B3GLCT: variants seen among roughly 807,000 people sequenced by gnomAD.
The protein encoded by B3GLCT is beta 3-glucosyltransferase.
A neutral mutation model predicts 63.4 loss-of-function variants in B3GLCT; 65 were observed. The observed-to-expected ratio is 1.03, with a 90% CI of 0.84 to 1.26. B3GLCT has a LOEUF of 1.26. Among genes scored for constraint, B3GLCT ranks in the 50% most tolerant of loss-of-function variants. The pLI is 0.00. For missense variants in B3GLCT, 577 were observed against 604.8 expected (o/e 0.95, Z 0.48); for synonymous variants, 233 against 219.2 (o/e 1.06, Z -0.55).
At chr13:31,201,945 A>T (rs892542769) in intron 1 of B3GLCT, among the ~76,000 whole-genome samples, 1 of 152,300 alleles carries the variant, frequency 6.6e-6, no homozygotes, top group African/African-American at 2.4e-5. Context: ...ACTGGCTTTC[A>T]TGGGTTGGCA....
intron 12 of B3GLCT, among the ~76,000 whole-genome samples, chr13:31,316,690 G>A (rs981621232): frequency 4.3e-4 from 66 of 151,770 alleles, no homozygotes; most frequent in African/African-American, 1.6e-3. Context: ...TGGAAGGGAC[G>A]TTTCTAATTG....
At chr13:31,238,993 A>G (rs1004648761) in intron 4 of B3GLCT, among the ~76,000 whole-genome samples, 3 of 152,218 alleles carry the variant, frequency 2.0e-5, no homozygotes, top group Admixed American at 6.5e-5. Context: ...GACTTTTGTG[A>G]AATCACTCAG....
chr13:31,242,605 G>A (rs542084145), intron 4 of B3GLCT, among the ~76,000 whole-genome samples: 1 of 152,334 alleles, frequency 6.6e-6, no homozygotes, highest in East Asian at 1.9e-4. Flanking sequence ...CGAGTTGCAT[G>A]GCTCAGAAGA....
intron 2 of B3GLCT, among the ~76,000 whole-genome samples, chr13:31,215,735 C>G (rs1016757597): frequency 6.6e-6 from 1 of 152,104 alleles, no homozygotes; most frequent in African/African-American, 2.4e-5. Context: ...AATATCTTAA[C>G]CTTGGGTTTA....
chr13:31,246,406 C>T (rs1265684731), intron 4 of B3GLCT, among the ~76,000 whole-genome samples: 1 of 152,142 alleles, frequency 6.6e-6, no homozygotes, highest in African/African-American at 2.4e-5. Flanking sequence ...TTTAGTTCCT[C>T]CTATGCTTAT....
intron 14 of B3GLCT, among the ~76,000 whole-genome samples, chr13:31,324,110 A>C (rs867149275): frequency 7.9e-5 from 12 of 152,166 alleles, no homozygotes; most frequent in Admixed American, 7.9e-4. Flanking sequence ...AACGTCTCGA[A>C]AACCAAGTGG....
chr13:31,274,551 A>AC lies in B3GLCT; in HGVS notation c.707dup (p.Val237SerfsTer3), dbSNP rs1159135092. 3 of 1,613,964 alleles carry AC rather than the reference A, an allele frequency of 1.9e-6. No individual in the cohort carries two copies. Among genetic ancestry groups the AC allele is most frequent in the African/African-American group, 2.7e-5 (2 of 74,898 alleles). ...GGACAAAGGCGGAGGACCTCCCCTGACCCCAGTGCCTGAGTTTTGTACCAA... is the reference window on the plus strand; with the variant it reads ...GGACAAAGGCGGAGGACCTCCCCTGACCCCCAGTGCCTGAGTTTTGTACCAA... On this transcript the variant is annotated frameshift_variant, in exon 9 of 15. Coordinates refer to ENST00000343307, the MANE Select transcript of B3GLCT (RefSeq NM_194318.4). LOFTEE classifies it high-confidence loss of function.
chr13:31,305,385 C>T (rs1345604754), intron 12 of B3GLCT, among the ~76,000 whole-genome samples: 1 of 96,958 alleles, frequency 1.0e-5, no homozygotes, highest in African/African-American at 3.6e-5. Flanking sequence ...TCAATGAATC[C>T]AGGAGCTGGT....
intron 14 of B3GLCT, among the ~76,000 whole-genome samples, chr13:31,328,753 A>G (rs1306599801): frequency 6.6e-6 from 1 of 151,408 alleles, no homozygotes; most frequent in Non-Finnish European, 1.5e-5. Flanking sequence ...TTGCTTAGAG[A>G]AAACAAAATA....
At chr13:31,327,459 G>A (rs1295614458) in intron 14 of B3GLCT, among the ~76,000 whole-genome samples, 1 of 152,180 alleles carries the variant, frequency 6.6e-6, no homozygotes, top group Non-Finnish European at 1.5e-5. Context: ...ACTCAGCAGG[G>A]CCCGCAACTT....
chr13:31,281,126 C>A lies in B3GLCT; in HGVS notation c.851-3522C>A, dbSNP rs143764259. On this transcript the variant is annotated intron_variant, in intron 10 of 14. Transcript: ENST00000343307. ...ACATGTCTCATGTACCTCGTGGCAG[C>A]CACTGGTTTTGTTCATCAAATGGTG... Among the ~76,000 whole-genome samples, 911 of 152,188 alleles carry A rather than the reference C, an allele frequency of 6.0e-3. 14 individuals carry two copies. Among genetic ancestry groups the A allele is most frequent in the African/African-American group, 0.021 (866 of 41,524 alleles).
intron 12 of B3GLCT, among the ~76,000 whole-genome samples, chr13:31,317,180 T>G (rs1049401908): frequency 5.3e-5 from 8 of 152,150 alleles, no homozygotes; most frequent in African/African-American, 1.9e-4. Context: ...TGAAAAGATG[T>G]GAGGATTAGT....
chr13:31,316,124 A>G (rs1874994240), intron 12 of B3GLCT, among the ~76,000 whole-genome samples: 1 of 152,054 alleles, frequency 6.6e-6, no homozygotes, highest in African/African-American at 2.4e-5. Flanking sequence ...GCAGAAGGGA[A>G]ATGTGGGGTT....
intron 12 of B3GLCT, among the ~76,000 whole-genome samples, chr13:31,302,012 A>G (rs1026460661): frequency 2.6e-5 from 4 of 151,772 alleles, no homozygotes; most frequent in Non-Finnish European, 5.9e-5. Flanking sequence ...TTCTGTATTC[A>G]TCTTATTTCT....
chr13:31,320,541 A>G (rs1205656107), intron 13 of B3GLCT, among the ~76,000 whole-genome samples: 3 of 152,148 alleles, frequency 2.0e-5, no homozygotes, highest in East Asian at 1.9e-4. Context: ...TCATAATTAC[A>G]TATGATTTTC....
intron 6 of B3GLCT, among the ~76,000 whole-genome samples, chr13:31,256,682 A>G (rs554025269): frequency 6.6e-6 from 1 of 152,342 alleles, no homozygotes; most frequent in East Asian, 1.9e-4. Context: ...ACAGAAAACC[A>G]AACACCACAT....
At chr13:31,237,499 G>GCC (rs1870716987) in intron 4 of B3GLCT, among the ~76,000 whole-genome samples, 1 of 151,974 alleles carries the variant, frequency 6.6e-6, no homozygotes. Flanking sequence ...AGTTACAGGT[G>GCC]CCTACTACCA....
rs541003275 is a variant in B3GLCT at position 31,201,154 on chromosome 13, A to G, written c.70+1000A>G. Among the ~76,000 whole-genome samples the G allele has an allele frequency of 8.5e-5, 13 of 152,236 alleles. No individual in the cohort carries two copies. In the South Asian group the frequency reaches 2.3e-3, roughly 27 times the overall value. On this transcript the variant is annotated intron_variant, in intron 1 of 14. Transcript: ENST00000343307. Reference sequence around the variant, plus strand: ...CCAGACTTGCTGGTGTGAAAAGGCAATGATTTCAGATTTTTTAGTAATGGC... The same window carrying G: ...CCAGACTTGCTGGTGTGAAAAGGCAGTGATTTCAGATTTTTTAGTAATGGC...
intron 7 of B3GLCT, among the ~76,000 whole-genome samples, chr13:31,262,368 A>G (rs1158836179): frequency 2.0e-5 from 3 of 152,274 alleles, no homozygotes; most frequent in Non-Finnish European, 4.4e-5. Flanking sequence ...CTGCCGGGCA[A>G]GAATGCCCAT....
Sources: gnomAD v4.1 joint callset for allele counts (sites outside exome capture counted in the v4.1 genomes callset) on GRCh38, gnomAD v4.1.1 for gene constraint, MANE v1.5 for transcripts, NCBI Gene and HGNC (gene_info 2026-07-23, HGNC 2026-07-21) for gene names.